ESR1: variants seen among roughly 807,000 people sequenced by gnomAD.
ESR1 encodes the protein estrogen receptor.
In ESR1, 12 loss-of-function variants were observed where a neutral mutation model predicts 52.7. That is an observed-to-expected ratio of 0.23 (90% CI 0.15 to 0.37). ESR1 has a LOEUF of 0.37. Ranked by LOEUF, ESR1 falls within the 10% of genes least tolerant of loss-of-function variation. The pLI is 1.00. For synonymous variants in ESR1, 305 were observed against 316.8 expected (o/e 0.96, Z 0.39); for missense variants, 584 against 779.7 (o/e 0.75, Z 2.99).
chr6:151,886,358 C>CAA (rs1342294152), intron 3 of ESR1, among the ~76,000 whole-genome samples: 4 of 152,104 alleles, frequency 2.6e-5, no homozygotes, highest in Non-Finnish European at 5.9e-5. Flanking sequence ...GACTCTTGGA[C>CAA]TGACTATTCT....
intron 2 of ESR1, among the ~76,000 whole-genome samples, chr6:151,861,627 A>G (rs1788903421): frequency 6.6e-6 from 1 of 152,168 alleles, no homozygotes; most frequent in Admixed American, 6.6e-5. Context: ...TGAGTTGTTC[A>G]TCTGGGTTAG....
intron 3 of ESR1, among the ~76,000 whole-genome samples, chr6:151,922,131 C>T (rs1360662623): frequency 6.6e-6 from 1 of 152,054 alleles, no homozygotes; most frequent in East Asian, 1.9e-4. Context: ...ACCAATGGAA[C>T]AGAATAGAGA....
intron 1 of ESR1, among the ~76,000 whole-genome samples, chr6:151,816,958 T>C (rs1156802518): frequency 6.6e-6 from 1 of 152,100 alleles, no homozygotes; most frequent in East Asian, 1.9e-4. Flanking sequence ...GGGCATTAAG[T>C]ATTGTGGACT....
chr6:151,876,065 A>G (rs892620402), intron 2 of ESR1, among the ~76,000 whole-genome samples: 4 of 152,172 alleles, frequency 2.6e-5, no homozygotes, highest in Non-Finnish European at 4.4e-5. Flanking sequence ...GGTGGTGCCC[A>G]GCGCAAAATT....
intron 1 of ESR1, among the ~76,000 whole-genome samples, chr6:151,694,489 T>C (rs1779180532): frequency 6.6e-6 from 1 of 152,186 alleles, no homozygotes; most frequent in African/African-American, 2.4e-5. Context: ...AGTTCACTTT[T>C]ATAAAATGCA....
intron 3 of ESR1, among the ~76,000 whole-genome samples, chr6:151,939,909 A>G (rs184081132): frequency 2.1e-3 from 325 of 152,306 alleles, no homozygotes; most frequent in African/African-American, 7.5e-3. Flanking sequence ...GTACAAAACA[A>G]AAAACAATAA....
chr6:151,986,956 G>C (rs1369391992), intron 4 of ESR1, among the ~76,000 whole-genome samples: 2 of 151,898 alleles, frequency 1.3e-5, no homozygotes, highest in Non-Finnish European at 2.9e-5. Flanking sequence ...CGCGCCCATG[G>C]GTCCATTTTT....
chr6:151,713,451 G>A (rs1415948687), intron 2 of ESR1, among the ~76,000 whole-genome samples: 1 of 152,198 alleles, frequency 6.6e-6, no homozygotes, highest in Non-Finnish European at 1.5e-5. Flanking sequence ...GAATTCGGAT[G>A]TGAATCCATC....
chr6:151,734,442 G>T (rs1222825333), intron 2 of ESR1, among the ~76,000 whole-genome samples: 1 of 152,028 alleles, frequency 6.6e-6, no homozygotes, highest in Non-Finnish European at 1.5e-5. Context: ...ATAAAATATG[G>T]TTATGAGTGC....
intron 1 of ESR1, among the ~76,000 whole-genome samples, chr6:151,685,107 C>CA (rs1778606428): frequency 4.1e-5 from 3 of 72,914 alleles, no homozygotes; most frequent in South Asian, 1.0e-3. Context: ...ACACTGGCCT[C>CA]TTTTTTTTTT....
At chr6:152,051,405 G>A (rs894127474) in intron 5 of ESR1, among the ~76,000 whole-genome samples, 2 of 152,108 alleles carry the variant, frequency 1.3e-5, no homozygotes, top group Admixed American at 1.3e-4. Flanking sequence ...ACAAAAAACT[G>A]ACTAGGATCT....
At chr6:152,126,604 T>C (rs1049919811) in exon 7 of ESR1, 1 of 152,232 alleles carries the variant, frequency 6.6e-6, no homozygotes, top group Non-Finnish European at 1.5e-5. Flanking sequence ...CGTGCTTATT[T>C]GCTACAAGTA....
At chr6:151,966,591 TTC>T (rs2038298905) in intron 4 of ESR1, among the ~76,000 whole-genome samples, 1 of 152,232 alleles carries the variant, frequency 6.6e-6, no homozygotes, top group African/African-American at 2.4e-5. Context: ...ATGTTTAGAA[TTC>T]TCTTACACGT....
chr6:151,915,845 CTT>C (rs1260679415), intron 3 of ESR1, among the ~76,000 whole-genome samples: 2 of 142,908 alleles, frequency 1.4e-5, no homozygotes, highest in Non-Finnish European at 3.0e-5. Context: ...TCCTTTCTCT[CTT>C]TCTCTCTCTC....
intron 2 of ESR1, among the ~76,000 whole-genome samples, chr6:151,876,945 A>G (rs866588698): frequency 3.3e-5 from 5 of 151,462 alleles, no homozygotes; most frequent in South Asian, 2.1e-4. Context: ...GGTCACATAC[A>G]TCGAGTCCTG....
intron 2 of ESR1, among the ~76,000 whole-genome samples, chr6:151,782,032 A>G (rs1185940660): frequency 1.3e-5 from 2 of 152,204 alleles, no homozygotes; most frequent in Non-Finnish European, 2.9e-5. Flanking sequence ...CGTGGTGGAG[A>G]AATGTATGTT....
chr6:152,041,600 G>A (rs2092705), intron 5 of ESR1, among the ~76,000 whole-genome samples: 64,960 of 152,044 alleles, frequency 0.43, 15,465 homozygotes, highest in African/African-American at 0.63. Flanking sequence ...TGGCACACAA[G>A]TGTCTCACCA....
chr6:151,816,321 C>A (rs1368387572), intron 1 of ESR1, among the ~76,000 whole-genome samples: 1 of 152,114 alleles, frequency 6.6e-6, no homozygotes, highest in Non-Finnish European at 1.5e-5. Context: ...GGTCTGGGAG[C>A]CAGCAGCTAT....
At chr6:151,689,346 C>T (rs1425150775), upstream of ESR1, among the ~76,000 whole-genome samples, 7 of 152,106 alleles carry the variant, frequency 4.6e-5, no homozygotes, top group Non-Finnish European at 8.8e-5. Context: ...CCCCACAATG[C>T]GTTAGTATAC....
Sources: allele counts gnomAD v4.1 joint callset (sites outside exome capture counted in the v4.1 genomes callset), GRCh38; gene constraint gnomAD v4.1.1; transcripts MANE v1.5; gene names NCBI Gene and HGNC (gene_info 2026-07-23, HGNC 2026-07-21).